The following RAPGEF4 variants were observed in gnomAD, a reference collection of about 807,000 sequenced individuals.
RAPGEF4 encodes RAP guanine-nucleotide-exchange factor (GEF) 4.
Under a neutral mutation model 147.9 loss-of-function variants are expected in RAPGEF4, and 66 were observed. The ratio of observed to expected loss-of-function variants is 0.45; its 90% confidence interval spans 0.37 to 0.55. RAPGEF4 has a LOEUF of 0.55. RAPGEF4 is among the 20% of genes least tolerant of loss of function. The probability of loss-of-function intolerance (pLI) is 0.00; values close to 1 mark genes in which losing one functional copy is unlikely to be tolerated. For synonymous variants in RAPGEF4, 419 were observed against 442.7 expected (o/e 0.95, Z 0.67); for missense variants, 1,071 against 1,257.3 (o/e 0.85, Z 2.24).
intron 6 of RAPGEF4, among the ~76,000 whole-genome samples, chr2:172,946,619 T>C (rs548216522): frequency 6.6e-6 from 1 of 152,314 alleles, no homozygotes; most frequent in Non-Finnish European, 1.5e-5. Flanking sequence ...GCTCTCTCAC[T>C]ATCAAGCCCT....
At position 173,044,231 on chromosome 2, in the gene RAPGEF4, G is replaced by A. The variant is rs76471974; in HGVS notation, c.2854-4369G>A. Among the ~76,000 whole-genome samples, 909 of 141,222 alleles carry A rather than the reference G, an allele frequency of 6.4e-3. 4 individuals carry two copies. The highest frequency in any genetic ancestry group is 0.011 in the Non-Finnish European group (727 of 65,344). The allele number at this position is 141,222 out of a possible 152,430, so 92.6% of individuals were successfully genotyped here. ...CTGGAACCATCTAAGGTAGCTTCCC[G>A]GTCATTGCCGTGGCATTTGTAAACT... On this transcript the variant is annotated intron_variant, in intron 29 of 30. Transcript: ENST00000397081.
At chr2:172,858,391 T>G (rs1693677768) in intron 4 of RAPGEF4, among the ~76,000 whole-genome samples, 1 of 152,248 alleles carries the variant, frequency 6.6e-6, no homozygotes, top group African/African-American at 2.4e-5. Context: ...ACTTTCAAAC[T>G]GAAGGAGAAG....
intron 1 of RAPGEF4, among the ~76,000 whole-genome samples, chr2:172,794,344 T>C (rs1686142537): frequency 2.4e-5 from 2 of 84,830 alleles, no homozygotes; most frequent in Admixed American, 1.5e-4. Context: ...TGAAACTCCA[T>C]CTCAAAAAAA....
intron 3 of RAPGEF4, among the ~76,000 whole-genome samples, chr2:172,808,427 G>A (rs1413092033): frequency 6.6e-6 from 1 of 152,048 alleles, no homozygotes; most frequent in African/African-American, 2.4e-5. Flanking sequence ...ATCCAGACTA[G>A]GGGACAGAAA....
intron 4 of RAPGEF4, among the ~76,000 whole-genome samples, chr2:172,899,026 G>A (rs1215492817): frequency 6.6e-6 from 1 of 152,038 alleles, no homozygotes; most frequent in African/African-American, 2.4e-5. Flanking sequence ...TATTGATGTG[G>A]GCAAAATGCA....
At chr2:173,007,243 TA>T (rs1246756391) in intron 17 of RAPGEF4, among the ~76,000 whole-genome samples, 1 of 152,162 alleles carries the variant, frequency 6.6e-6, no homozygotes, top group Non-Finnish European at 1.5e-5. Context: ...GCTTGAGACT[TA>T]AAAGGAGAAT....
intron 29 of RAPGEF4, among the ~76,000 whole-genome samples, chr2:173,046,091 C>G (rs138558446): frequency 6.6e-6 from 1 of 152,310 alleles, no homozygotes; most frequent in Admixed American, 6.5e-5. Context: ...ACATTATTGT[C>G]CGGACCTCAC....
At chr2:172,950,240 G>A (rs1041574521) in intron 6 of RAPGEF4, among the ~76,000 whole-genome samples, 3 of 152,072 alleles carry the variant, frequency 2.0e-5, no homozygotes, top group East Asian at 1.9e-4. Flanking sequence ...TGATGAGGGC[G>A]GTAGGGGAGG....
At chr2:173,033,244 G>C (rs1204032139) in intron 26 of RAPGEF4, among the ~76,000 whole-genome samples, 1 of 152,180 alleles carries the variant, frequency 6.6e-6, no homozygotes, top group South Asian at 2.1e-4. Context: ...TGTGAGAGAC[G>C]AGACAGCAGG....
At position 172,760,573 on chromosome 2, in the gene RAPGEF4, C is replaced by T. The variant is rs554088637; in HGVS notation, c.65+24525C>T. On this transcript the variant is annotated intron_variant, in intron 1 of 30. Coordinates refer to ENST00000397081, the MANE Select transcript of RAPGEF4 (RefSeq NM_007023.4). ...CTCTACTCAAAATACAAAAAATTAG[C>T]CAGGCATGGTGGCGGGTGCCTGTAG... Among the ~76,000 whole-genome samples, 15 of 152,174 alleles carry T rather than the reference C, an allele frequency of 9.9e-5. No individual in the cohort carries two copies. In the East Asian group the frequency reaches 2.5e-3, roughly 26 times the overall value.
At chr2:173,036,101 C>T in intron 27 of RAPGEF4, 24 bp from the exon 28 acceptor site, 1 of 1,540,994 alleles carries the variant, frequency 6.5e-7, no homozygotes, top group Non-Finnish European at 9.0e-7. Context: ...CAGTCATTAC[C>T]ATCATCTCTT....
chr2:172,965,090 T>C (rs772471733), intron 8 of RAPGEF4: 6 of 160,078 alleles, frequency 3.7e-5, no homozygotes, highest in Admixed American at 6.0e-5. Context: ...TAAAGTGCTA[T>C]ATAATTTTGC....
chr2:173,001,104 G>T (rs927211721), intron 16 of RAPGEF4, among the ~76,000 whole-genome samples, 162 bp from the exon 17 acceptor site: 1 of 152,134 alleles, frequency 6.6e-6, no homozygotes, highest in African/African-American at 2.4e-5. Flanking sequence ...CTCAATCTCT[G>T]TCAACACCAT....
rs898993784 is a variant in RAPGEF4, at chr2:172,967,347, G to C, written c.907G>C (p.Glu303Gln). Residue 303 changes from glutamate (E) to glutamine (Q), a missense_variant, in exon 10 of 31, where the codon GAG becomes CAG. Physicochemically the swap from Glu to Gln is conservative, Grantham distance 29. Transcript: ENST00000397081. ...CGAGGATGCCCCTTTGCCTACTGAG[G>C]AGGAGAAGAAGGAGTGTGATGAGGA... is the stretch of plus-strand genomic sequence containing the variant. ...EHEDAPLPTE[E>Q]EKKECDEELQ... The C allele has an allele frequency of 6.2e-7, 1 of 1,612,192 alleles. No individual in the cohort carries two copies. The highest frequency in any genetic ancestry group is 8.5e-7 in the Non-Finnish European group (1 of 1,179,800).
intron 5 of RAPGEF4, among the ~76,000 whole-genome samples, chr2:172,919,717 G>T (rs1382221815): frequency 6.6e-6 from 1 of 151,974 alleles, no homozygotes; most frequent in Non-Finnish European, 1.5e-5. Context: ...TTTCTACCTG[G>T]TTGTCCTGCT....
intron 1 of RAPGEF4, 84 bp from the exon 2 acceptor site, chr2:172,794,941 G>A: frequency 1.5e-6 from 2 of 1,321,288 alleles, no homozygotes; most frequent in Non-Finnish European, 2.1e-6. Flanking sequence ...GGGTAAATTT[G>A]AATATAATTA....
intron 1 of RAPGEF4, among the ~76,000 whole-genome samples, chr2:172,789,678 A>G (rs1685607165): frequency 6.6e-6 from 1 of 152,148 alleles, no homozygotes; most frequent in African/African-American, 2.4e-5. Flanking sequence ...TATGAATTTG[A>G]CTATTTTAGA....
intron 4 of RAPGEF4, among the ~76,000 whole-genome samples, chr2:172,900,651 T>C (rs1698974705): frequency 6.6e-6 from 1 of 152,196 alleles, no homozygotes; most frequent in Admixed American, 6.5e-5. Flanking sequence ...TTTTGCCCCA[T>C]TAGCACCAAT....
intron 10 of RAPGEF4, among the ~76,000 whole-genome samples, chr2:172,983,291 C>A (rs1308076773): frequency 6.6e-6 from 1 of 152,130 alleles, no homozygotes; most frequent in Non-Finnish European, 1.5e-5. Flanking sequence ...TGGACTTTGG[C>A]TTTCTCCCAT....
Sources: allele counts gnomAD v4.1 joint callset (sites outside exome capture counted in the v4.1 genomes callset), GRCh38; gene constraint gnomAD v4.1.1; transcripts MANE v1.5; gene names NCBI Gene and HGNC (gene_info 2026-07-23, HGNC 2026-07-21).